Variants in SYCP1 observed in about 807,000 individuals in gnomAD.
The protein encoded by SYCP1 is cancer/testis antigen 8.
Under a neutral mutation model 153.1 loss-of-function variants are expected in SYCP1, and 64 were observed. The observed-to-expected ratio is 0.42, with a 90% CI of 0.34 to 0.51. The LOEUF (loss-of-function observed/expected upper bound fraction) is 0.51. Among genes scored for constraint, SYCP1 ranks in the 20% least tolerant of loss-of-function variants. The pLI is 0.06. For synonymous variants in SYCP1, 384 were observed against 341.8 expected, an observed-to-expected ratio of 1.12 and a Z score of -1.36; for missense variants, 997 against 1,049.0, an observed-to-expected ratio of 0.95 and a Z score of 0.68.
intron 23 of SYCP1, among the ~76,000 whole-genome samples, chr1:114,932,974 G>A (rs572774284): frequency 2.6e-5 from 4 of 152,336 alleles, no homozygotes; most frequent in African/African-American, 9.6e-5. Context: ...TGGGGGCAGG[G>A]CGTAGCTGAA....
chr1:114,960,446 G>T (rs1671717442), intron 27 of SYCP1, among the ~76,000 whole-genome samples: 1 of 152,142 alleles, frequency 6.6e-6, no homozygotes, highest in East Asian at 1.9e-4. Flanking sequence ...GGGATTACGG[G>T]CGTGAGCCAC....
intron 20 of SYCP1, 146 bp from the exon 21 acceptor site, chr1:114,923,303 G>T (rs1294191602): frequency 6.4e-6 from 5 of 782,742 alleles, no homozygotes; most frequent in Non-Finnish European, 9.4e-6. Flanking sequence ...GCTCTTGTTT[G>T]TACTTATATT....
At chr1:114,947,941 G>T (rs1670847270) in intron 27 of SYCP1, among the ~76,000 whole-genome samples, 3 of 149,878 alleles carry the variant, frequency 2.0e-5, no homozygotes, top group African/African-American at 7.4e-5. Context: ...AAGTTTTAGG[G>T]TACATGTGCA....
At chr1:114,926,011 C>T (rs894495298) in intron 21 of SYCP1, among the ~76,000 whole-genome samples, 6 of 151,914 alleles carry the variant, frequency 3.9e-5, no homozygotes, top group Non-Finnish European at 2.9e-5. Context: ...TAGTGGCTCA[C>T]ACCTGTAATC....
At position 114,887,699 on chromosome 1, in the gene SYCP1, A is replaced by T; in HGVS notation, c.1258+6A>T. 1 of 1,514,300 alleles carries T rather than the reference A, an allele frequency of 6.6e-7. No homozygotes were observed. 93.8% of individuals were successfully genotyped at this position (1,514,300 alleles called of 1,614,324 possible). ...AAAGAAATCAAGTGAGCTGGGTAAG[A>T]CTTAGAGAATAATGTGTGTACTTTA... On this transcript the variant is annotated splice_donor_region_variant and intron_variant, in intron 15 of 31. Coordinates refer to ENST00000369522, the MANE Select transcript of SYCP1 (RefSeq NM_003176.4).
At position 114,895,461 on chromosome 1, in the gene SYCP1, G is replaced by A. The variant is rs1666998321; in HGVS notation, c.1272G>A (p.Lys424=). The A allele has an allele frequency of 1.3e-6, 2 of 1,524,546 alleles. No individual in the cohort carries two copies. The highest frequency in any genetic ancestry group is 2.3e-5 in the East Asian group (1 of 43,510). 94.4% of individuals were successfully genotyped at this position (1,524,546 alleles called of 1,614,324 possible). Residue 424 remains lysine (K), a synonymous_variant, in exon 16 of 32, where the codon AAG becomes AAA. Coordinates refer to ENST00000369522, the MANE Select transcript of SYCP1 (RefSeq NM_003176.4). Reference sequence around the variant, plus strand: ...TGCTCATTTTAGAAGAGATGACTAAGCTTACAAATAACAAAGAAGTAGAAC... The same window carrying A: ...TGCTCATTTTAGAAGAGATGACTAAACTTACAAATAACAAAGAAGTAGAAC... The part of the protein sequence containing the change: ...KKSSELEEMT[K]LTNNKEVELE...
rs139061160 is a variant in SYCP1 at position 114,987,961 on chromosome 1, A to T, written c.2703+3093A>T. Reference sequence around the variant, plus strand: ...ACCAGAAAAAAACTCTGGAACTGAAAGTACAATAACCGAAATGAGAAACCC... The same window carrying T: ...ACCAGAAAAAAACTCTGGAACTGAATGTACAATAACCGAAATGAGAAACCC... On this transcript the variant is annotated intron_variant, in intron 30 of 31. Coordinates refer to ENST00000369522, the MANE Select transcript of SYCP1 (RefSeq NM_003176.4). Among the ~76,000 whole-genome samples, 1,176 of 151,850 alleles carry T rather than the reference A, an allele frequency of 7.7e-3. 49 individuals are homozygous for T. The highest frequency in any genetic ancestry group is 0.07 in the Admixed American group (1,071 of 15,232).
In SYCP1 at chr1:114,886,309, G is replaced by T; in HGVS notation, c.1190G>T (p.Arg397Ile). 1 of 1,494,820 alleles carries T rather than the reference G, an allele frequency of 6.7e-7. No homozygotes were observed. The highest frequency in any genetic ancestry group is 2.5e-5 in the East Asian group (1 of 40,764). 92.6% of individuals were successfully genotyped at this position (1,494,820 alleles called of 1,614,324 possible). A position where few individuals can be genotyped will look rare whatever the true frequency, so the allele number is the denominator to read the frequency against. The change falls in exon 14 of 32, where the codon AGA becomes ATA. Residue 397 changes from arginine to isoleucine, a missense_variant and splice_region_variant. Around this residue, in one of 2 missense-constraint regions of SYCP1, gnomAD observed 712 missense variants for 682.9 expected, o/e 1.04. Coordinates refer to ENST00000369522, the MANE Select transcript of SYCP1 (RefSeq NM_003176.4). ...GAATTATTGAGAACAGAACAGCAAA[G>T]GTAAAATATTTATTATTTTTAATAC... ...LEELLRTEQQ[R>I]LEKNEDQLKI...
Position 114,934,136 on chromosome 1 carries a change from A to C in SYCP1, c.1926+7573A>C, listed in dbSNP as rs547720914. ...AGATTCACCAAAGTTGAAATGAAGG[A>C]AAAAATGTTAAGGGCAGCCAGAGAG... On this transcript the variant is annotated intron_variant, in intron 23 of 31. Transcript: ENST00000369522. Among the ~76,000 whole-genome samples the C allele has an allele frequency of 3.5e-3, 531 of 152,320 alleles. 2 individuals are homozygous for C. Among genetic ancestry groups the C allele is most frequent in the African/African-American group, 0.012 (514 of 41,568 alleles).
intron 23 of SYCP1, among the ~76,000 whole-genome samples, chr1:114,942,822 C>T (rs1485476193): frequency 6.6e-6 from 1 of 151,802 alleles, no homozygotes; most frequent in East Asian, 1.9e-4. Flanking sequence ...AATATTGATA[C>T]ATTCATATAT....
chr1:114,958,756 TAAAA>T (rs754525268), intron 27 of SYCP1, among the ~76,000 whole-genome samples: 3 of 96,552 alleles, frequency 3.1e-5, no homozygotes, highest in African/African-American at 4.1e-5. Flanking sequence ...CTGTCTCTAC[TAAAA>T]AAAAAAAAAA....
At chr1:114,900,984 A>G (rs898223945) in intron 16 of SYCP1, among the ~76,000 whole-genome samples, 3 of 152,210 alleles carry the variant, frequency 2.0e-5, no homozygotes, top group Non-Finnish European at 4.4e-5. Flanking sequence ...ATGAACTGAA[A>G]GGTACCACAG....
At chr1:114,912,037 C>T (rs1221799188) in intron 18 of SYCP1, among the ~76,000 whole-genome samples, 3 of 151,896 alleles carry the variant, frequency 2.0e-5, no homozygotes, top group African/African-American at 7.2e-5. Context: ...TGTATTATTA[C>T]TCAGAGAAAA....
chr1:114,960,444 G>A (rs961406919), intron 27 of SYCP1, among the ~76,000 whole-genome samples: 2 of 152,010 alleles, frequency 1.3e-5, no homozygotes, highest in Non-Finnish European at 2.9e-5. Flanking sequence ...CTGGGATTAC[G>A]GGCGTGAGCC....
intron 23 of SYCP1, among the ~76,000 whole-genome samples, chr1:114,929,221 A>G (rs1201201500): frequency 6.6e-6 from 1 of 152,140 alleles, no homozygotes; most frequent in Non-Finnish European, 1.5e-5. Context: ...AATAGCAAAA[A>G]AGTCAGTAGA....
chr1:114,882,752 T>G (rs981349774), intron 12 of SYCP1, among the ~76,000 whole-genome samples: 1 of 152,102 alleles, frequency 6.6e-6, no homozygotes, highest in Non-Finnish European at 1.5e-5. Flanking sequence ...TTGCTTTTTT[T>G]CCCCCCATGC....
intron 27 of SYCP1, among the ~76,000 whole-genome samples, chr1:114,954,058 GTTC>G (rs148372512): frequency 0.19 from 29,486 of 151,762 alleles, 3,388 homozygotes; most frequent in Non-Finnish European, 0.25. Flanking sequence ...ATAGACATTT[GTTC>G]TTATTTTTAT....
intron 27 of SYCP1, among the ~76,000 whole-genome samples, chr1:114,952,071 G>A (rs893254842): frequency 2.6e-5 from 4 of 152,112 alleles, no homozygotes; most frequent in African/African-American, 4.8e-5. Flanking sequence ...CCAGTCAAGG[G>A]TACCTAGTTG....
chr1:114,951,115 C>T lies in SYCP1; in HGVS notation c.2322+3795C>T, dbSNP rs984035164. On this transcript the variant is annotated intron_variant, in intron 27 of 31. Transcript: ENST00000369522. ...CTGGGATTACAGGCGTGAGCCACCACGCCCGGCCTAAATTACACTTTTATA... is the reference window on the plus strand; with the variant it reads ...CTGGGATTACAGGCGTGAGCCACCATGCCCGGCCTAAATTACACTTTTATA... Among the ~76,000 whole-genome samples, 20 of 152,258 alleles carry T rather than the reference C, an allele frequency of 1.3e-4. No individual in the cohort carries two copies. In the East Asian group the frequency reaches 2.7e-3, roughly 21 times the overall value.
Sources: allele counts gnomAD v4.1 joint callset (sites outside exome capture counted in the v4.1 genomes callset), GRCh38; gene constraint gnomAD v4.1.1; regional missense constraint gnomAD v4.1.1; transcripts MANE v1.5; gene names NCBI Gene and HGNC (gene_info 2026-07-23, HGNC 2026-07-21).